Variants in LCMT1 observed in about 807,000 individuals in gnomAD.
The protein encoded by LCMT1 is leucine carboxyl methyltransferase 1, also known as [Phosphatase 2A protein]-leucine-carboxy methyltransferase 1.
LCMT1 carries 32 observed loss-of-function variants against 47.7 expected under a neutral mutation model. The observed-to-expected ratio is 0.67, with a 90% CI of 0.51 to 0.90. The LOEUF is 0.90. Among genes scored for constraint, LCMT1 ranks in the 40% least tolerant of loss-of-function variants. The pLI is 0.00. For missense variants in LCMT1, 375 were observed against 415.2 expected (o/e 0.90, Z 0.84); for synonymous variants, 152 against 149.7 (o/e 1.02, Z -0.11).
At chr16:25,170,642 C>A in intron 8 of LCMT1, 72 bp from the exon 9 acceptor site, 1 of 1,184,074 alleles carries the variant, frequency 8.4e-7, no homozygotes, top group Non-Finnish European at 1.2e-6. Flanking sequence ...TAAAACAAAA[C>A]AGTGTCTTAG....
chr16:25,112,275 T>C (rs1959645100), intron 1 of LCMT1, among the ~76,000 whole-genome samples: 1 of 152,218 alleles, frequency 6.6e-6, no homozygotes, highest in Non-Finnish European at 1.5e-5. Context: ...TTCTTGGAGC[T>C]AAACGCTGCT....
chr16:25,147,339 T>C (rs1294453386), intron 4 of LCMT1: 1 of 152,208 alleles, frequency 6.6e-6, no homozygotes, highest in African/African-American at 2.4e-5. Context: ...GGAGCGCTGT[T>C]GGGGACAGCA....
intron 6 of LCMT1, among the ~76,000 whole-genome samples, chr16:25,161,960 A>G (rs1169780032): frequency 6.6e-6 from 1 of 152,174 alleles, no homozygotes; most frequent in Non-Finnish European, 1.5e-5. Context: ...GTTGGCAAAA[A>G]TGTAACAGCT....
intron 4 of LCMT1, chr16:25,148,356 C>T (rs1033837008): frequency 1.3e-5 from 2 of 152,270 alleles, no homozygotes; most frequent in African/African-American, 2.4e-5. Context: ...CGTCAATTCT[C>T]CCCGCATAAA....
intron 1 of LCMT1, among the ~76,000 whole-genome samples, chr16:25,123,575 G>A (rs1311324597): frequency 1.4e-5 from 2 of 138,996 alleles, no homozygotes; most frequent in African/African-American, 5.4e-5. Context: ...TGTGTTTCAT[G>A]CTTGACTTCC....
intron 5 of LCMT1, among the ~76,000 whole-genome samples, chr16:25,157,392 A>G (rs979730763): frequency 1.3e-5 from 2 of 151,926 alleles, no homozygotes; most frequent in Non-Finnish European, 2.9e-5. Flanking sequence ...CATCTATACA[A>G]ATAATAAAAA....
chr16:25,176,336 C>T (rs74912008), intron 10 of LCMT1, among the ~76,000 whole-genome samples: 21 of 152,134 alleles, frequency 1.4e-4, no homozygotes, highest in East Asian at 1.2e-3. Context: ...AGATGTAATC[C>T]ACATGACATG....
At chr16:25,154,615 T>C (rs1198511723) in intron 5 of LCMT1, among the ~76,000 whole-genome samples, 1 of 151,242 alleles carries the variant, frequency 6.6e-6, no homozygotes, top group African/African-American at 2.4e-5. Flanking sequence ...GCCTCCCAAG[T>C]AGCTGGGACT....
At chr16:25,116,844 T>C (rs931808243) in intron 1 of LCMT1, among the ~76,000 whole-genome samples, 4 of 151,846 alleles carry the variant, frequency 2.6e-5, no homozygotes, top group East Asian at 3.9e-4. Flanking sequence ...TGAGCTGAGA[T>C]TGTGCCACTG....
intron 4 of LCMT1, chr16:25,145,324 T>G (rs1016423860): frequency 6.6e-6 from 1 of 152,198 alleles, no homozygotes; most frequent in African/African-American, 2.4e-5. Flanking sequence ...GAACAAGTCA[T>G]CCACATATTG....
chr16:25,117,425 G>A (rs75312940), intron 1 of LCMT1, among the ~76,000 whole-genome samples: 5,246 of 152,180 alleles, frequency 0.034, 210 homozygotes, highest in East Asian at 0.12. Flanking sequence ...ATAGGCCGCC[G>A]GCTGGACATC....
intron 1 of LCMT1, among the ~76,000 whole-genome samples, chr16:25,121,436 C>A (rs989638441): frequency 2.0e-5 from 3 of 152,054 alleles, no homozygotes; most frequent in Non-Finnish European, 2.9e-5. Context: ...ATATCAATTT[C>A]AAATTATTTT....
At chr16:25,163,675 T>C (rs1030096364) in intron 6 of LCMT1, among the ~76,000 whole-genome samples, 1 of 152,130 alleles carries the variant, frequency 6.6e-6, no homozygotes, top group African/African-American at 2.4e-5. Context: ...TCTTGGGGTA[T>C]CTGCTTTGAA....
chr16:25,111,806 G>T lies in LCMT1; in HGVS notation c.-78G>T. 1.0e-6 allele frequency: 1 copy of T among 965,576 alleles called. No individual in the cohort carries two copies. Among genetic ancestry groups the T allele is most frequent in the South Asian group, 1.4e-5 (1 of 72,002 alleles). The allele number at this position is 965,576 out of a possible 1,614,324, so 59.8% of individuals were successfully genotyped here. A position where few individuals can be genotyped will look rare whatever the true frequency, so the allele number is the denominator to read the frequency against. ...CCTCTTCTGTTGCTTTCTCCCTGTG[G>T]CTCGCGCCGTCCCCCGCCGCCCGTC... is the stretch of plus-strand genomic sequence containing the variant. On this transcript the variant is annotated 5_prime_UTR_variant, in exon 1 of 11. Transcript: ENST00000399069.
intron 1 of LCMT1, among the ~76,000 whole-genome samples, chr16:25,119,425 C>T (rs935870592): frequency 6.6e-6 from 1 of 152,258 alleles, no homozygotes; most frequent in African/African-American, 2.4e-5. Context: ...CTTTGCGCCA[C>T]ATGAGCTGTA....
At position 25,140,167 on chromosome 16, in the gene LCMT1, C is replaced by G. The variant is rs1389321353; in HGVS notation, c.328-4C>G. The G allele has an allele frequency of 6.2e-7, 1 of 1,602,350 alleles. No individual in the cohort carries two copies. Among genetic ancestry groups the G allele is most frequent in the South Asian group, 1.1e-5 (1 of 89,270 alleles). ...AATAAAAAGTATTGTGTGTTTTTCC[C>G]CAGGATGAAGATCTTCTCCCAAGTA... On this transcript the variant is annotated splice_polypyrimidine_tract_variant and splice_region_variant and intron_variant, in intron 3 of 10. Transcript: ENST00000399069.
chr16:25,144,693 CT>C (rs1378235611), intron 4 of LCMT1: 3 of 152,192 alleles, frequency 2.0e-5, no homozygotes, highest in Non-Finnish European at 4.4e-5. Flanking sequence ...GGAGTCATAG[CT>C]TCTGTATATT....
At chr16:25,122,581 G>C (rs141109857) in intron 1 of LCMT1, among the ~76,000 whole-genome samples, 2 of 149,366 alleles carry the variant, frequency 1.3e-5, no homozygotes, top group African/African-American at 4.9e-5. Context: ...TGCCCTCCTT[G>C]ACCTCCCAAA....
chr16:25,148,173 G>C (rs1960930048), intron 4 of LCMT1: 2 of 152,402 alleles, frequency 1.3e-5, no homozygotes. Context: ...AAAACCGAGT[G>C]CCAGCTTGGA....
Sources: allele counts gnomAD v4.1 joint callset (sites outside exome capture counted in the v4.1 genomes callset), GRCh38; gene constraint gnomAD v4.1.1; transcripts MANE v1.5; gene names NCBI Gene and HGNC (gene_info 2026-07-23, HGNC 2026-07-21).